Variants in LEPR observed in about 807,000 individuals in gnomAD.
LEPR encodes the protein OB receptor.
In LEPR, 56 loss-of-function variants were observed where a neutral mutation model predicts 114.7. That is an observed-to-expected ratio of 0.49 (90% CI 0.39 to 0.61). The LOEUF is 0.61. Ranked by LOEUF, LEPR falls within the 20% of genes least tolerant of loss-of-function variation. The probability of loss-of-function intolerance (pLI) is 0.00; values close to 1 mark genes in which losing one functional copy is unlikely to be tolerated. For synonymous variants in LEPR, 443 were observed against 461.4 expected, an observed-to-expected ratio of 0.96 and a Z score of 0.51; for missense variants, 1,202 against 1,352.9, an observed-to-expected ratio of 0.89 and a Z score of 1.75.
chr1:65,422,594 G>A (rs1053670274), intron 1 of LEPR, among the ~76,000 whole-genome samples: 14 of 152,280 alleles, frequency 9.2e-5, no homozygotes, highest in African/African-American at 3.4e-4. Context: ...AAGAGGCGAT[G>A]CTTGAACTGA....
chr1:65,558,260 A>G (rs1175287242), intron 2 of LEPR, among the ~76,000 whole-genome samples: 1 of 152,190 alleles, frequency 6.6e-6, no homozygotes, highest in Non-Finnish European at 1.5e-5. Context: ...ACTGATTTCT[A>G]GAAATCCTAA....
intron 3 of LEPR, 76 bp downstream of exon 3, chr1:65,565,681 T>C (rs1653684766): frequency 6.6e-7 from 1 of 1,517,214 alleles, no homozygotes; most frequent in Admixed American, 1.7e-5. Flanking sequence ...TGCTGTTTTA[T>C]TTATTAGCTA....
At chr1:65,475,979 T>C (rs1386669218) in intron 2 of LEPR, among the ~76,000 whole-genome samples, 4 of 151,666 alleles carry the variant, frequency 2.6e-5, no homozygotes, top group African/African-American at 9.7e-5. Context: ...ATCACGCCAC[T>C]GCACTCCAGC....
At chr1:65,522,980 T>C (rs1270418861) in intron 2 of LEPR, among the ~76,000 whole-genome samples, 10 of 152,236 alleles carry the variant, frequency 6.6e-5, no homozygotes, top group Non-Finnish European at 1.3e-4. Context: ...TATTTACTCA[T>C]GTATTCATTC....
At chr1:65,448,687 C>T (rs902126341) in intron 2 of LEPR, among the ~76,000 whole-genome samples, 3 of 152,220 alleles carry the variant, frequency 2.0e-5, no homozygotes, top group Middle Eastern at 6.8e-3. Context: ...TTTATTAATT[C>T]AATTTCTTTA....
chr1:65,434,948 G>T lies in LEPR; in HGVS notation c.-21+9570G>T, dbSNP rs901069811. On this transcript the variant is annotated intron_variant, in intron 2 of 19. Coordinates refer to ENST00000349533, the MANE Select transcript of LEPR (RefSeq NM_002303.6). ...CCTTGTGATTATCTTCTCCACATCT[G>T]AAATTCCTTTTGACACCTGCATTGG... 4.1e-6 allele frequency: 4 copies of T among 985,482 alleles called. No individual in the cohort carries two copies. In the South Asian group the frequency reaches 1.9e-4, roughly 46 times the overall value. 61.0% of individuals were successfully genotyped at this position (985,482 alleles called of 1,614,324 possible). A position where few individuals can be genotyped will look rare whatever the true frequency, so the allele number is the denominator to read the frequency against.
In LEPR at chr1:65,592,643, A is replaced by G; in HGVS notation, c.495-14A>G. Reference sequence around the variant, plus strand: ...ATATCTGTTTTAATATTTAGCTCTTATTTTTCAATATAGGCCTGAAGTGTT... The same window carrying G: ...ATATCTGTTTTAATATTTAGCTCTTGTTTTTCAATATAGGCCTGAAGTGTT... On this transcript the variant is annotated splice_polypyrimidine_tract_variant and intron_variant, in intron 5 of 19. Transcript: ENST00000349533. 6.2e-7 allele frequency: 1 copy of G among 1,611,194 alleles called. No homozygotes were observed. Among genetic ancestry groups the G allele is most frequent in the Non-Finnish European group, 8.5e-7 (1 of 1,178,674 alleles).
At chr1:65,525,077 C>T (rs1173083813) in intron 2 of LEPR, among the ~76,000 whole-genome samples, 2 of 152,192 alleles carry the variant, frequency 1.3e-5, no homozygotes, top group African/African-American at 2.4e-5. Context: ...CCCCACCCAC[C>T]AGATGCGCGA....
At chr1:65,502,885 G>C (rs963089405) in intron 2 of LEPR, among the ~76,000 whole-genome samples, 2 of 151,410 alleles carry the variant, frequency 1.3e-5, no homozygotes, top group African/African-American at 4.9e-5. Context: ...ATGGGGGTGG[G>C]GGAGCTATGG....
intron 2 of LEPR, among the ~76,000 whole-genome samples, chr1:65,516,994 C>CA (rs1649320443): frequency 6.6e-6 from 1 of 152,188 alleles, no homozygotes; most frequent in Non-Finnish European, 1.5e-5. Flanking sequence ...CTCTTTACAC[C>CA]ATAATAACCG....
chr1:65,552,508 C>T (rs916819787), intron 2 of LEPR, among the ~76,000 whole-genome samples: 10 of 152,052 alleles, frequency 6.6e-5, no homozygotes, highest in African/African-American at 1.4e-4. Flanking sequence ...TCTGTTTTAT[C>T]GGAGACTAGG....
chr1:65,429,726 G>A (rs752552824), intron 2 of LEPR: 1 of 712,368 alleles, frequency 1.4e-6, no homozygotes, highest in South Asian at 3.3e-5. Flanking sequence ...ATCATCTTAT[G>A]TTCTAATATT....
chr1:65,531,738 T>G (rs1332337963), intron 2 of LEPR, among the ~76,000 whole-genome samples: 1 of 152,168 alleles, frequency 6.6e-6, no homozygotes, highest in Non-Finnish European at 1.5e-5. Context: ...AAAACATGAA[T>G]TCTGATTATG....
In LEPR at chr1:65,639,004, T is replaced by G. The variant is rs562768605; in HGVS notation, c.*1989T>G. On this transcript the variant is annotated 3_prime_UTR_variant, in exon 20 of 20. Transcript: ENST00000349533. ...AATTGAAGGTACAGTACAGAAGAGA[T>G]AGAAAAATAAATTTTGCCCCACTCT... 4.6e-5 allele frequency: 7 copies of G among 152,280 alleles called. No individual in the cohort carries two copies. The East Asian group carries it at 1.3e-3, about 29-fold the overall frequency. 9.4% of individuals were successfully genotyped at this position (152,280 alleles called of 1,614,324 possible).
intron 2 of LEPR, among the ~76,000 whole-genome samples, chr1:65,466,831 TG>T (rs1647019399): frequency 6.6e-6 from 1 of 152,240 alleles, no homozygotes; most frequent in Non-Finnish European, 1.5e-5. Context: ...TATTGAACCT[TG>T]TGCATGCATC....
chr1:65,609,934 A>G lies in LEPR; in HGVS notation c.1753-13A>G. On this transcript the variant is annotated splice_polypyrimidine_tract_variant and intron_variant, in intron 12 of 19. Coordinates refer to ENST00000349533, the MANE Select transcript of LEPR (RefSeq NM_002303.6). ...TGGTAATGATCAATCTAATGCTTTG[A>G]CTTATTTTACAGATGTATGAGGTTT... The G allele has an allele frequency of 6.2e-7, 1 of 1,614,116 alleles. No homozygotes were observed. Among genetic ancestry groups the G allele is most frequent in the Non-Finnish European group, 8.5e-7 (1 of 1,179,980 alleles).
Position 65,638,295 on chromosome 1 carries a change from C to T in LEPR, c.*1280C>T, listed in dbSNP as rs150500229. 1.9e-3 allele frequency: 285 copies of T among 152,216 alleles called. No individual in the cohort carries two copies. The highest frequency in any genetic ancestry group is 6.7e-3 in the African/African-American group (277 of 41,550). The allele number at this position is 152,216 out of a possible 1,614,324, so 9.4% of individuals were successfully genotyped here. ...AATTAAGTGAGAATTGCACAGATCT[C>T]ATGTTTGCCTTTAACAACTTAAGAT... On this transcript the variant is annotated 3_prime_UTR_variant, in exon 20 of 20. Transcript: ENST00000349533.
At chr1:65,569,490 T>A (rs1654000801) in intron 3 of LEPR, among the ~76,000 whole-genome samples, 1 of 152,106 alleles carries the variant, frequency 6.6e-6, no homozygotes, top group Non-Finnish European at 1.5e-5. Context: ...GCGGATCACC[T>A]GAGGTCAGGA....
At chr1:65,543,877 G>A (rs1026774568) in intron 2 of LEPR, among the ~76,000 whole-genome samples, 1 of 151,942 alleles carries the variant, frequency 6.6e-6, no homozygotes, top group African/African-American at 2.4e-5. Flanking sequence ...TAGCCTTGTA[G>A]TATAGTTTGA....
Sources: allele counts gnomAD v4.1 joint callset (sites outside exome capture counted in the v4.1 genomes callset), GRCh38; gene constraint gnomAD v4.1.1; transcripts MANE v1.5; gene names NCBI Gene and HGNC (gene_info 2026-07-23, HGNC 2026-07-21).